The following MGLL variants were observed in gnomAD, a reference collection of about 807,000 sequenced individuals.
MGLL encodes lysophospholipase homolog.
In MGLL, 7 loss-of-function variants were observed where a neutral mutation model predicts 29.1. That is an observed-to-expected ratio of 0.24 (90% CI 0.14 to 0.45). MGLL has a LOEUF of 0.45. Ranked by LOEUF, MGLL falls within the 20% of genes least tolerant of loss-of-function variation. The pLI, the probability that MGLL is intolerant of heterozygous loss-of-function variation, is 0.99. For missense variants in MGLL, 356 were observed against 413.6 expected (o/e 0.86, Z 1.21); for synonymous variants, 148 against 168.3 (o/e 0.88, Z 0.93).
At chr3:127,767,143 C>T (rs2076873100) in intron 3 of MGLL, among the ~76,000 whole-genome samples, 1 of 112,702 alleles carries the variant, frequency 8.9e-6, no homozygotes, top group Non-Finnish European at 1.8e-5. Context: ...GCTTACCTTC[C>T]TCATATTCTC....
At chr3:127,741,053 C>T (rs2076331460) in intron 3 of MGLL, among the ~76,000 whole-genome samples, 1 of 152,232 alleles carries the variant, frequency 6.6e-6, no homozygotes, top group Non-Finnish European at 1.5e-5. Flanking sequence ...ACCACTGGGC[C>T]TTCAGCCACA....
At chr3:127,820,958 A>G (rs2077848504) in intron 2 of MGLL, among the ~76,000 whole-genome samples, 1 of 152,242 alleles carries the variant, frequency 6.6e-6, no homozygotes, top group African/African-American at 2.4e-5. Flanking sequence ...CAACCACACA[A>G]TGATCCCTAG....
chr3:127,806,781 C>T (rs554550531), intron 2 of MGLL, among the ~76,000 whole-genome samples: 1 of 152,200 alleles, frequency 6.6e-6, no homozygotes, highest in Non-Finnish European at 1.5e-5. Flanking sequence ...AATCCCAGCA[C>T]TTTGGGAGGC....
chr3:127,822,348 C>T lies in MGLL; in HGVS notation c.-30G>A. 2 of 1,613,516 alleles carry T rather than the reference C, an allele frequency of 1.2e-6. No homozygotes were observed. Among genetic ancestry groups the T allele is most frequent in the South Asian group, 1.1e-5 (1 of 91,066 alleles). On this transcript the variant is annotated 5_prime_UTR_variant, in exon 1 of 8. In the 5' UTR this introduces an upstream ATG that the reference lacks. Transcript: ENST00000265052. The stretch of plus-strand genomic sequence containing the variant: ...TGCTGGCGTTTGCATTCCACAACCA[C>T]GACAGCCTGGAGAATCAGAACCAGG...
chr3:127,821,409 C>T (rs2077857277), intron 2 of MGLL, among the ~76,000 whole-genome samples: 2 of 152,126 alleles, frequency 1.3e-5, no homozygotes, highest in African/African-American at 2.4e-5. Context: ...CGGAAATCAA[C>T]TCCAGTACAA....
chr3:127,732,384 T>C (rs2076167598), intron 3 of MGLL, among the ~76,000 whole-genome samples: 1 of 152,062 alleles, frequency 6.6e-6, no homozygotes. Flanking sequence ...CAGCCCCCAG[T>C]AGGTGAGCCA....
chr3:127,741,494 A>ATGAC (rs2107655364), intron 3 of MGLL, among the ~76,000 whole-genome samples: 1 of 152,382 alleles, frequency 6.6e-6, no homozygotes, highest in South Asian at 2.1e-4. Context: ...CTCCTTTGTC[A>ATGAC]GCACGAGGCC....
intron 5 of MGLL, 57 bp downstream of exon 5, chr3:127,720,996 G>A (rs967356196): frequency 6.9e-6 from 10 of 1,447,540 alleles, no homozygotes; most frequent in Non-Finnish European, 8.7e-6. Flanking sequence ...GCTACAAATG[G>A]AAGACCCATG....
intron 3 of MGLL, among the ~76,000 whole-genome samples, chr3:127,767,397 T>C (rs1365091270): frequency 6.6e-6 from 1 of 152,228 alleles, no homozygotes; most frequent in Non-Finnish European, 1.5e-5. Context: ...CAATTGTTTA[T>C]AATTGCAGTC....
intron 5 of MGLL, chr3:127,713,359 C>T (rs1259725180): frequency 1.3e-5 from 2 of 152,000 alleles, no homozygotes; most frequent in Non-Finnish European, 2.9e-5. Flanking sequence ...AGGATCCCCA[C>T]CACACTCAGG....
At chr3:127,821,582 A>G in intron 2 of MGLL, 112 bp downstream of exon 2, 1 of 1,156,638 alleles carries the variant, frequency 8.6e-7, no homozygotes, top group Non-Finnish European at 1.3e-6. Flanking sequence ...CGGCAGGGGA[A>G]GTAGGTCATA....
chr3:127,730,746 C>T lies in MGLL; in HGVS notation c.263-8180G>A, dbSNP rs536115936. Reference sequence around the variant, plus strand: ...TTTCTCCTCTAGCACCATCCCCCACCCTATAGATGGAGGGTCCTGAGAGCA... The same window carrying T: ...TTTCTCCTCTAGCACCATCCCCCACTCTATAGATGGAGGGTCCTGAGAGCA... On this transcript the variant is annotated intron_variant, in intron 3 of 7. Coordinates refer to ENST00000265052, the MANE Select transcript of MGLL (RefSeq NM_007283.7). Among the ~76,000 whole-genome samples the T allele has an allele frequency of 4.9e-4, 75 of 152,318 alleles. 1 individual carries two copies. The highest frequency in any genetic ancestry group is 8.8e-4 in the Non-Finnish European group (60 of 68,028).
intron 6 of MGLL, among the ~76,000 whole-genome samples, chr3:127,700,323 C>A (rs1020770613): frequency 1.3e-5 from 2 of 152,206 alleles, no homozygotes; most frequent in African/African-American, 4.8e-5. Context: ...ATGAGAGAAT[C>A]CTCCTGTGAT....
intron 2 of MGLL, among the ~76,000 whole-genome samples, chr3:127,801,354 C>T (rs1340143862): frequency 4.0e-5 from 6 of 148,408 alleles, no homozygotes; most frequent in African/African-American, 1.2e-4. Context: ...CGGCGGCTCA[C>T]GCCTGTAATC....
intron 3 of MGLL, among the ~76,000 whole-genome samples, chr3:127,744,638 C>T (rs2076407379): frequency 6.6e-6 from 1 of 152,148 alleles, no homozygotes; most frequent in East Asian, 1.9e-4. Context: ...TTCCAGGATG[C>T]ATGAGATCAA....
At chr3:127,787,854 C>A (rs73862352) in intron 2 of MGLL, among the ~76,000 whole-genome samples, 14,746 of 152,272 alleles carry the variant, frequency 0.097, 1,568 homozygotes, top group East Asian at 0.3. Flanking sequence ...GTCTGCCGTC[C>A]GGGCTGCGTG....
chr3:127,783,441 G>T (rs1464683894), intron 2 of MGLL, among the ~76,000 whole-genome samples: 1 of 152,110 alleles, frequency 6.6e-6, no homozygotes, highest in Non-Finnish European at 1.5e-5. Flanking sequence ...CCCCCACCTT[G>T]ACATCAGCCC....
At chr3:127,752,698 C>T (rs1301371216) in intron 3 of MGLL, among the ~76,000 whole-genome samples, 3 of 152,044 alleles carry the variant, frequency 2.0e-5, no homozygotes, top group Non-Finnish European at 4.4e-5. Flanking sequence ...TAAAGGAAAA[C>T]GGTGGCAGAT....
In MGLL at chr3:127,691,793, G is replaced by T. The variant is rs1430360384; in HGVS notation, c.*405C>A. The T allele has an allele frequency of 1.1e-5, 3 of 268,610 alleles. No individual in the cohort carries two copies. The highest frequency in any genetic ancestry group is 2.2e-5 in the Non-Finnish European group (3 of 137,772). 16.6% of individuals were successfully genotyped at this position (268,610 alleles called of 1,614,324 possible). A position where few individuals can be genotyped will look rare whatever the true frequency, so the allele number is the denominator to read the frequency against. On this transcript the variant is annotated 3_prime_UTR_variant, in exon 8 of 8. Coordinates refer to ENST00000265052, the MANE Select transcript of MGLL (RefSeq NM_007283.7). ...CAAGCGGAGGCTGGTCAGAGAGGGCGCTGGGGCGTGAGCGAAGGGTGGGCA... is the reference window on the plus strand; with the variant it reads ...CAAGCGGAGGCTGGTCAGAGAGGGCTCTGGGGCGTGAGCGAAGGGTGGGCA...
Sources: allele counts gnomAD v4.1 joint callset (sites outside exome capture counted in the v4.1 genomes callset), GRCh38; gene constraint gnomAD v4.1.1; transcripts MANE v1.5; gene names NCBI Gene and HGNC (gene_info 2026-07-23, HGNC 2026-07-21).